Variants in TFEC observed in about 807,000 individuals in gnomAD.
The protein encoded by TFEC is transcription factor EC, also known as class E basic helix-loop-helix protein 34.
Under a neutral mutation model 41.6 loss-of-function variants are expected in TFEC, and 31 were observed. That is an observed-to-expected ratio of 0.74 (90% CI 0.56 to 1.01). The LOEUF is 1.01. TFEC is among the 50% of genes least tolerant of loss of function. The pLI, the probability that TFEC is intolerant of heterozygous loss-of-function variation, is 0.00. For missense variants in TFEC, 402 were observed against 404.1 expected (o/e 0.99, Z 0.04); for synonymous variants, 143 against 140.6 (o/e 1.02, Z -0.12).
At chr7:116,045,820 G>T (rs190505976) in intron 3 of TFEC, among the ~76,000 whole-genome samples, 43 of 152,314 alleles carry the variant, frequency 2.8e-4, no homozygotes, top group African/African-American at 1.0e-3. Flanking sequence ...CAAGAGGGAG[G>T]CTGGACCCTG....
chr7:116,012,057 C>T (rs1207441268), intron 1 of TFEC, among the ~76,000 whole-genome samples: 1 of 152,148 alleles, frequency 6.6e-6, no homozygotes, highest in Admixed American at 6.6e-5. Context: ...GCAAATTGGA[C>T]TCACACATAA....
intron 1 of TFEC, among the ~76,000 whole-genome samples, chr7:116,000,903 C>G (rs2130772779): frequency 6.6e-6 from 1 of 151,604 alleles, no homozygotes; most frequent in South Asian, 2.1e-4. Context: ...TCAATGCAAT[C>G]CCTATCAAAA....
intron 1 of TFEC, among the ~76,000 whole-genome samples, chr7:116,016,810 T>C (rs1328476585): frequency 6.6e-6 from 1 of 152,088 alleles, no homozygotes; most frequent in Admixed American, 6.6e-5. Flanking sequence ...ATCTGTATTA[T>C]ATACTACTAT....
chr7:116,148,857 C>T (rs541791360), intron 1 of TFEC, among the ~76,000 whole-genome samples: 10 of 151,164 alleles, frequency 6.6e-5, no homozygotes, highest in South Asian at 2.1e-4. Flanking sequence ...GCTAATTAAA[C>T]GCACAACACT....
intron 3 of TFEC, among the ~76,000 whole-genome samples, chr7:116,071,374 T>G (rs576668825): frequency 2.0e-5 from 3 of 150,230 alleles, no homozygotes; most frequent in Admixed American, 1.3e-4. Flanking sequence ...TGAATATGGA[T>G]CAAGGTATTA....
intron 3 of TFEC, among the ~76,000 whole-genome samples, chr7:116,069,545 A>C (rs868023772): frequency 2.0e-5 from 3 of 151,730 alleles, no homozygotes; most frequent in Non-Finnish European, 4.4e-5. Context: ...GAACAATGTA[A>C]TAGTGATGTG....
At chr7:116,086,248 T>C (rs1366483806) in intron 3 of TFEC, among the ~76,000 whole-genome samples, 5 of 151,810 alleles carry the variant, frequency 3.3e-5, no homozygotes, top group Non-Finnish European at 7.4e-5. Context: ...TTCACTCCAA[T>C]CCCCTTCCTC....
At chr7:115,963,415 T>A (rs554267153) in intron 3 of TFEC, among the ~76,000 whole-genome samples, 15 of 151,842 alleles carry the variant, frequency 9.9e-5, no homozygotes, top group African/African-American at 3.1e-4. Flanking sequence ...TAACATATGA[T>A]CCAGTAATTT....
intron 1 of TFEC, among the ~76,000 whole-genome samples, chr7:116,118,552 C>G (rs954923211): frequency 6.6e-6 from 1 of 151,616 alleles, no homozygotes; most frequent in Non-Finnish European, 1.5e-5. Context: ...CTTTTGCCCC[C>G]TATATAAGTC....
At chr7:116,119,007 A>T (rs992527689) in intron 1 of TFEC, among the ~76,000 whole-genome samples, 1 of 151,976 alleles carries the variant, frequency 6.6e-6, no homozygotes, top group Non-Finnish European at 1.5e-5. Context: ...TAATATTAGC[A>T]CAAGCATTTT....
intron 3 of TFEC, among the ~76,000 whole-genome samples, chr7:115,967,070 G>A (rs1291473757): frequency 6.6e-6 from 1 of 151,006 alleles, no homozygotes; most frequent in Non-Finnish European, 1.5e-5. Context: ...AGAATCTTTG[G>A]CATATATATG....
At chr7:116,016,396 TG>T (rs747468240) in intron 1 of TFEC, among the ~76,000 whole-genome samples, 13 of 152,194 alleles carry the variant, frequency 8.5e-5, no homozygotes, top group Non-Finnish European at 1.6e-4. Flanking sequence ...TCAGTGCTCA[TG>T]GTTTTAAATA....
intron 3 of TFEC, among the ~76,000 whole-genome samples, chr7:116,061,163 A>G (rs147367845): frequency 1.3e-5 from 2 of 152,280 alleles, no homozygotes; most frequent in East Asian, 3.9e-4. Context: ...TAGCCAAAAT[A>G]ATGGAAAAAT....
rs376832676 is a variant in TFEC at position 115,991,105 on chromosome 7, C to T, written c.-72-6592G>A. Among the ~76,000 whole-genome samples the T allele has an allele frequency of 1.3e-4, 20 of 152,200 alleles. No individual in the cohort carries two copies. In the East Asian group the frequency reaches 3.7e-3, roughly 28 times the overall value. On this transcript the variant is annotated intron_variant, in intron 1 of 7. Coordinates refer to ENST00000265440, the MANE Select transcript of TFEC (RefSeq NM_012252.4). The stretch of plus-strand genomic sequence containing the variant: ...ATTCATAAAGAAAAGAATTTTCAAC[C>T]CAGAATTTCATATCCAGCCAAACTA...
At chr7:115,960,783 C>T (rs1792501126) in intron 3 of TFEC, among the ~76,000 whole-genome samples, 1 of 151,378 alleles carries the variant, frequency 6.6e-6, no homozygotes, top group South Asian at 2.1e-4. Context: ...AGAGACATAT[C>T]CACACAGTAA....
intron 1 of TFEC, chr7:116,117,623 T>C (rs570432255): frequency 6.6e-6 from 1 of 151,902 alleles, no homozygotes; most frequent in South Asian, 2.1e-4. Flanking sequence ...GATAAACTGC[T>C]TCCACAATCT....
chr7:116,109,604 G>C (rs1383757916), intron 3 of TFEC, among the ~76,000 whole-genome samples: 5 of 152,178 alleles, frequency 3.3e-5, no homozygotes, highest in Non-Finnish European at 5.9e-5. Flanking sequence ...TGGAGAAATA[G>C]GAACACTTTT....
At chr7:115,950,813 C>G (rs1791894380) in intron 6 of TFEC, 61 bp downstream of exon 6, 3 of 1,301,216 alleles carry the variant, frequency 2.3e-6, no homozygotes, top group Middle Eastern at 2.2e-4. Context: ...CTTCTTCCCT[C>G]CCATTCATTT....
intron 3 of TFEC, among the ~76,000 whole-genome samples, chr7:116,079,360 C>T (rs776740122): frequency 3.9e-5 from 6 of 151,968 alleles, no homozygotes; most frequent in Non-Finnish European, 8.8e-5. Context: ...AAATAAAGGG[C>T]ATCCACATCA....
Sources: allele counts gnomAD v4.1 joint callset (sites outside exome capture counted in the v4.1 genomes callset), GRCh38; gene constraint gnomAD v4.1.1; transcripts MANE v1.5; gene names NCBI Gene and HGNC (gene_info 2026-07-23, HGNC 2026-07-21).